The following MASP1 variants were observed in gnomAD, a reference collection of about 807,000 sequenced individuals.
MASP1 encodes mannan-binding lectin serine protease 1.
A neutral mutation model predicts 77.1 loss-of-function variants in MASP1; 59 were observed. That is an observed-to-expected ratio of 0.77 (90% confidence interval 0.62 to 0.95). MASP1 has a LOEUF of 0.95. Among genes scored for constraint, MASP1 ranks in the 40% least tolerant of loss-of-function variants. MASP1 has a pLI of 0.00. For synonymous variants in MASP1, 362 were observed against 354.5 expected (o/e 1.02, Z -0.24); for missense variants, 885 against 912.9 (o/e 0.97, Z 0.39).
At chr3:187,250,378 T>TG (rs756381146) in intron 7 of MASP1, 49 bp from the exon 8 acceptor site, 1 of 1,417,048 alleles carries the variant, frequency 7.1e-7, no homozygotes, top group Non-Finnish European at 1.0e-6. Flanking sequence ...GTGGGGGTGG[T>TG]GTCAGGGGTT....
At chr3:187,217,918 G>A (rs1352855475) in exon 16 of MASP1, 5 of 152,218 alleles carry the variant, frequency 3.3e-5, no homozygotes, top group Admixed American at 6.5e-5. Context: ...CTAACTTTAA[G>A]GAGAAAAGCT....
intron 2 of MASP1, among the ~76,000 whole-genome samples, chr3:187,278,998 C>T (rs1717193315): frequency 6.6e-6 from 1 of 151,914 alleles, no homozygotes. Flanking sequence ...CGCCACATCA[C>T]AGCTTCTAAT....
At chr3:187,259,150 A>G (rs930100232) in intron 4 of MASP1, among the ~76,000 whole-genome samples, 1 of 152,190 alleles carries the variant, frequency 6.6e-6, no homozygotes, top group African/African-American at 2.4e-5. Flanking sequence ...TGTGTCACTA[A>G]GTCTTTACCC....
intron 4 of MASP1, among the ~76,000 whole-genome samples, chr3:187,259,959 A>G (rs1372207483): frequency 1.3e-5 from 2 of 152,192 alleles, no homozygotes; most frequent in African/African-American, 4.8e-5. Context: ...TCTGCCTGGA[A>G]GGCCCTTCTT....
At chr3:187,268,255 G>A (rs2108575968) in intron 2 of MASP1, among the ~76,000 whole-genome samples, 1 of 152,306 alleles carries the variant, frequency 6.6e-6, no homozygotes, top group South Asian at 2.1e-4. Context: ...GCCAAGGTGA[G>A]AGGATCACTT....
rs72549154 is a variant in MASP1 at position 187,236,144 on chromosome 3, C to T, written c.1727G>A (p.Arg576Lys). 2 of 1,613,944 alleles carry T rather than the reference C, an allele frequency of 1.2e-6. No individual in the cohort carries two copies. The highest frequency in any genetic ancestry group is 1.1e-5 in the South Asian group (1 of 91,088). The change falls in exon 11 of 11, where the codon AGG (arginine) becomes AAG (lysine). Residue 576 changes from arginine (R) to lysine (K), a missense_variant. Physicochemically the swap from Arg to Lys is conservative, Grantham distance 26. Transcript: ENST00000296280. ...GPHVMPVCLP[R>K]LEPEGPAPHM... ...GGGGGCCGGGCCTTCAGGCTCAAGC[C>T]TTGGCAGGCAGACAGGCATAACGTG...
Position 187,248,678 on chromosome 3 carries a change from C to T in MASP1, c.1090+1573G>A, listed in dbSNP as rs143333430. 8.8e-3 allele frequency among the ~76,000 whole-genome samples: 1,334 copies of T among 152,222 alleles called. 40 individuals carry two copies. Among genetic ancestry groups the T allele is most frequent in the Admixed American group, 0.064 (986 of 15,308 alleles). ...GCTGTGGCCACCACCACTTGAGTTC[C>T]GCCATGCCCGGACCTTGTCTTTTCC... On this transcript the variant is annotated intron_variant, in intron 8 of 10. Coordinates refer to ENST00000296280, the MANE Select transcript of MASP1 (RefSeq NM_139125.4).
At chr3:187,244,879 C>T (rs1191218390) in intron 8 of MASP1, 1 of 152,204 alleles carries the variant, frequency 6.6e-6, no homozygotes, top group Non-Finnish European at 1.5e-5. Context: ...TATAATTTAT[C>T]CCTGAGTGCC....
At chr3:187,262,494 T>C (rs1008546183) in intron 3 of MASP1, 49 bp downstream of exon 3, 26 of 1,589,996 alleles carry the variant, frequency 1.6e-5, no homozygotes, top group Non-Finnish European at 2.2e-5. Context: ...AGTTTTCATC[T>C]TCGGAGAGAG....
intron 7 of MASP1, chr3:187,251,356 A>G (rs1423586491): frequency 2.4e-6 from 1 of 417,752 alleles, no homozygotes; most frequent in African/African-American, 2.0e-5. Flanking sequence ...CTCAGCCTTG[A>G]TTATAGAGCT....
At chr3:187,283,378 C>T (rs1717591315) in intron 2 of MASP1, among the ~76,000 whole-genome samples, 1 of 152,218 alleles carries the variant, frequency 6.6e-6, no homozygotes, top group African/African-American at 2.4e-5. Flanking sequence ...CATCTGCCTT[C>T]CTTGGATACT....
chr3:187,254,944 A>G lies in MASP1; in HGVS notation c.745-1629T>C, dbSNP rs1273616293. Among the ~76,000 whole-genome samples the G allele has an allele frequency of 2.6e-5, 4 of 152,124 alleles. No homozygotes were observed. In the South Asian group the frequency reaches 6.2e-4, roughly 24 times the overall value. On this transcript the variant is annotated intron_variant, in intron 5 of 10. Transcript: ENST00000296280. Reference sequence around the variant, plus strand: ...GAGAGGGGAAACAAATGAAGCCCCAAGAGGTTGTGTGCTTGGGTGAGGCTC... The same window carrying G: ...GAGAGGGGAAACAAATGAAGCCCCAGGAGGTTGTGTGCTTGGGTGAGGCTC...
chr3:187,273,544 G>T (rs993533510), intron 2 of MASP1, among the ~76,000 whole-genome samples: 1 of 152,114 alleles, frequency 6.6e-6, no homozygotes, highest in African/African-American at 2.4e-5. Context: ...CGACAGCCCC[G>T]GGCTGACTCC....
At chr3:187,262,403 G>C in intron 3 of MASP1, 140 bp downstream of exon 3, 1 of 808,360 alleles carries the variant, frequency 1.2e-6, no homozygotes, top group Non-Finnish European at 2.1e-6. Context: ...ATACGTGATA[G>C]AGCAAATGCA....
chr3:187,261,079 C>G lies in MASP1; in HGVS notation c.416-207G>C, dbSNP rs189448490. Among the ~76,000 whole-genome samples, 616 of 152,248 alleles carry G rather than the reference C, an allele frequency of 4.0e-3. 5 individuals are homozygous for G. The highest frequency in any genetic ancestry group is 0.014 in the African/African-American group (585 of 41,546). On this transcript the variant is annotated intron_variant, in intron 3 of 10. Coordinates refer to ENST00000296280, the MANE Select transcript of MASP1 (RefSeq NM_139125.4). ...AACTCAGAGAGGTTAGGCAACTTAC[C>G]CAAGGTCACAAAAAGCCAAGTTCAA...
chr3:187,220,973 G>T, intron 15 of MASP1: 2 of 1,413,612 alleles, frequency 1.4e-6, no homozygotes, highest in Non-Finnish European at 2.0e-6. Flanking sequence ...GTGCTCCCTT[G>T]CTGGCTCTGC....
intron 8 of MASP1, among the ~76,000 whole-genome samples, chr3:187,248,894 A>T (rs533661994): frequency 6.6e-6 from 1 of 152,278 alleles, no homozygotes; most frequent in Admixed American, 6.5e-5. Context: ...TCTTCCTGGG[A>T]TTTGCGTTAA....
At chr3:187,281,949 G>C (rs760128899) in intron 2 of MASP1, among the ~76,000 whole-genome samples, 1 of 152,196 alleles carries the variant, frequency 6.6e-6, no homozygotes, top group African/African-American at 2.4e-5. Context: ...TTGGCCAGGC[G>C]ATTAGAAAAA....
chr3:187,275,290 C>T (rs547885035), intron 2 of MASP1, among the ~76,000 whole-genome samples: 82 of 152,152 alleles, frequency 5.4e-4, no homozygotes, highest in Non-Finnish European at 7.8e-4. Flanking sequence ...CAGAAGGGGC[C>T]GCCTTGGGCC....
Sources: gnomAD v4.1 joint callset for allele counts (sites outside exome capture counted in the v4.1 genomes callset) on GRCh38, gnomAD v4.1.1 for gene constraint, MANE v1.5 for transcripts, NCBI Gene and HGNC (gene_info 2026-07-23, HGNC 2026-07-21) for gene names.